Variants in TBC1D4 observed in about 807,000 individuals in gnomAD.
The protein encoded by TBC1D4 is TBC (Tre-2, BUB2, CDC16) domain-containing protein.
TBC1D4 carries 121 observed loss-of-function variants against 142.5 expected under a neutral mutation model. The observed-to-expected ratio is 0.85, with a 90% CI of 0.73 to 0.99. TBC1D4 has a LOEUF of 0.99. Ranked by LOEUF, TBC1D4 falls within the 50% of genes least tolerant of loss-of-function variation. The pLI is 0.00. For synonymous variants in TBC1D4, 630 were observed against 628.2 expected (o/e 1.00, Z -0.04); for missense variants, 1,475 against 1,606.6 (o/e 0.92, Z 1.40).
intron 1 of TBC1D4, among the ~76,000 whole-genome samples, chr13:75,418,278 A>G (rs1019249473): frequency 3.3e-5 from 5 of 152,210 alleles, no homozygotes; most frequent in Admixed American, 3.3e-4. Flanking sequence ...ATTGGGAAAT[A>G]AGAATATAAA....
intron 1 of TBC1D4, among the ~76,000 whole-genome samples, chr13:75,406,821 T>C (rs900045485): frequency 3.9e-5 from 6 of 152,140 alleles, no homozygotes; most frequent in African/African-American, 4.8e-5. Context: ...TTTATGGTAG[T>C]TTAATGTACA....
intron 1 of TBC1D4, among the ~76,000 whole-genome samples, chr13:75,465,986 G>A (rs1226036985): frequency 1.3e-5 from 2 of 152,074 alleles, no homozygotes; most frequent in East Asian, 1.9e-4. Context: ...CTGAACCAAC[G>A]TACATCTCAC....
At chr13:75,297,521 A>AG (rs1386189568) in intron 17 of TBC1D4, among the ~76,000 whole-genome samples, 7 of 152,176 alleles carry the variant, frequency 4.6e-5, no homozygotes, top group Non-Finnish European at 8.8e-5. Flanking sequence ...TGGGAGGTCA[A>AG]GGCAGGTGGA....
Position 75,326,238 on chromosome 13 carries a change from C to A in TBC1D4, c.1992G>T (p.Val664=). The A allele has an allele frequency of 6.2e-7, 1 of 1,614,150 alleles. No homozygotes were observed. The highest frequency in any genetic ancestry group is 1.3e-5 in the African/African-American group (1 of 75,040). The part of the protein sequence containing the change: ...LNLQDGRAQG[V]RSPLLRQSSS... ...AGCTCTGCCTCAGCAGAGGGGAACG[C>A]ACACCCTGAGCCCTCCCATCCTGCA... Residue 664 remains valine, a synonymous_variant, in exon 10 of 21, where the codon GTG becomes GTT. Coordinates refer to ENST00000377636, the MANE Select transcript of TBC1D4 (RefSeq NM_014832.5).
intron 3 of TBC1D4, among the ~76,000 whole-genome samples, chr13:75,358,626 A>T (rs978144442): frequency 2.0e-5 from 3 of 152,118 alleles, no homozygotes; most frequent in Non-Finnish European, 4.4e-5. Flanking sequence ...AAGCAGGAAG[A>T]TCTTGAGGCC....
Position 75,449,560 on chromosome 13 carries a change from C to T in TBC1D4, c.498+31710G>A, listed in dbSNP as rs560329462. 4.2e-4 allele frequency among the ~76,000 whole-genome samples: 64 copies of T among 151,190 alleles called. 1 individual carries two copies. In the Middle Eastern group the frequency reaches 0.011, roughly 25 times the overall value. ...ACACACACACACACACACACAGACG[C>T]GCACACACACAGTTTTAACATACAT... On this transcript the variant is annotated intron_variant, in intron 1 of 20. Coordinates refer to ENST00000377636, the MANE Select transcript of TBC1D4 (RefSeq NM_014832.5).
chr13:75,357,373 G>A lies in TBC1D4; in HGVS notation c.1171-1122C>T, dbSNP rs896349775. Among the ~76,000 whole-genome samples, 7 of 152,122 alleles carry A rather than the reference G, an allele frequency of 4.6e-5. No homozygotes were observed. In the East Asian group the frequency reaches 5.8e-4, roughly 13 times the overall value. ...ACATCCACACAGATTAAATTTGCACGGTGACTACCAGCCCCCCATATGACC... is the reference window on the plus strand; with the variant it reads ...ACATCCACACAGATTAAATTTGCACAGTGACTACCAGCCCCCCATATGACC... On this transcript the variant is annotated intron_variant, in intron 3 of 20. Coordinates refer to ENST00000377636, the MANE Select transcript of TBC1D4 (RefSeq NM_014832.5).
At chr13:75,400,129 G>A (rs1156958208) in intron 1 of TBC1D4, among the ~76,000 whole-genome samples, 1 of 152,198 alleles carries the variant, frequency 6.6e-6, no homozygotes, top group African/African-American at 2.4e-5. Flanking sequence ...AACTGCTGTT[G>A]ATTTAAGCCA....
chr13:75,287,316 G>A (rs1265392017), intron 20 of TBC1D4, among the ~76,000 whole-genome samples: 6 of 152,154 alleles, frequency 3.9e-5, no homozygotes, highest in Admixed American at 3.9e-4. Context: ...CTGAGTGAGT[G>A]GGATCTGGCC....
chr13:75,286,763 C>T lies in TBC1D4; in HGVS notation c.*29G>A. On this transcript the variant is annotated 3_prime_UTR_variant, in exon 21 of 21. Coordinates refer to ENST00000377636, the MANE Select transcript of TBC1D4 (RefSeq NM_014832.5). The stretch of plus-strand genomic sequence containing the variant: ...TTCCTCTCTGTAGTATTCTAAGGAG[C>T]ACTTTCTGCTGAGGCCGTGCCTCTT... 1 of 1,603,648 alleles carries T rather than the reference C, an allele frequency of 6.2e-7. No individual in the cohort carries two copies. Among genetic ancestry groups the T allele is most frequent in the South Asian group, 1.1e-5 (1 of 90,282 alleles).
At chr13:75,297,689 G>A (rs1876086227) in intron 17 of TBC1D4, among the ~76,000 whole-genome samples, 1 of 151,620 alleles carries the variant, frequency 6.6e-6, no homozygotes. Flanking sequence ...CCCAGGAGGT[G>A]GAGGTTGCAG....
intron 1 of TBC1D4, among the ~76,000 whole-genome samples, chr13:75,399,983 A>G (rs544363897): frequency 6.3e-4 from 96 of 152,250 alleles, no homozygotes; most frequent in African/African-American, 2.0e-3. Flanking sequence ...CCCCTAGATG[A>G]CACCACAAGG....
chr13:75,353,135 G>A (rs1881754253), intron 4 of TBC1D4, among the ~76,000 whole-genome samples: 1 of 152,132 alleles, frequency 6.6e-6, no homozygotes, highest in Non-Finnish European at 1.5e-5. Context: ...TTCACAGCCA[G>A]TCAAGTCTGT....
At chr13:75,312,416 G>GA (rs762306467) in intron 13 of TBC1D4, among the ~76,000 whole-genome samples, 30 of 125,752 alleles carry the variant, frequency 2.4e-4, no homozygotes, top group East Asian at 1.1e-3. Flanking sequence ...CAATCTCTGG[G>GA]AAAAAAAAAA....
chr13:75,334,142 A>G (rs892402289), intron 8 of TBC1D4, among the ~76,000 whole-genome samples: 3 of 152,072 alleles, frequency 2.0e-5, no homozygotes, highest in African/African-American at 7.2e-5. Context: ...CAATATATTC[A>G]TTTATTTTTT....
Position 75,286,046 on chromosome 13 carries a change from A to C in TBC1D4, c.*746T>G, listed in dbSNP as rs1465212709. On this transcript the variant is annotated 3_prime_UTR_variant, in exon 21 of 21. Coordinates refer to ENST00000377636, the MANE Select transcript of TBC1D4 (RefSeq NM_014832.5). ...ATAATGCTGGTCTAGTTTGCTAAAA[A>C]ATTAGCAACATTCTCCTTTACCTTG... 2 of 152,672 alleles carry C rather than the reference A, an allele frequency of 1.3e-5. No homozygotes were observed. Among genetic ancestry groups the C allele is most frequent in the East Asian group, 3.8e-4 (2 of 5,200 alleles). 9.5% of individuals were successfully genotyped at this position (152,672 alleles called of 1,614,324 possible).
chr13:75,289,150 T>C (rs766027326), intron 19 of TBC1D4, 40 bp from the exon 20 acceptor site: 2 of 1,607,716 alleles, frequency 1.2e-6, no homozygotes, highest in South Asian at 2.2e-5. Context: ...GCCTTTGGTA[T>C]GTATAACAAG....
At chr13:75,456,824 A>T (rs1456891687) in intron 1 of TBC1D4, among the ~76,000 whole-genome samples, 1 of 151,352 alleles carries the variant, frequency 6.6e-6, no homozygotes, top group Non-Finnish European at 1.5e-5. Flanking sequence ...GCCTACGTCC[A>T]CCAAAAGACA....
chr13:75,348,954 A>AGTGT (rs55954112), intron 5 of TBC1D4, among the ~76,000 whole-genome samples: 2,453 of 139,142 alleles, frequency 0.018, 28 homozygotes, highest in African/African-American at 0.022. Context: ...AGAGAGAGAG[A>AGTGT]GTGTGTGTGT....
Sources: gnomAD v4.1 joint callset for allele counts (sites outside exome capture counted in the v4.1 genomes callset) on GRCh38, gnomAD v4.1.1 for gene constraint, MANE v1.5 for transcripts, NCBI Gene and HGNC (gene_info 2026-07-23, HGNC 2026-07-21) for gene names.